The following MYRIP variants were observed in gnomAD, a reference collection of about 807,000 sequenced individuals.
The protein encoded by MYRIP is myosin VIIA and Rab interacting protein, also known as rab effector MyRIP.
MYRIP carries 49 observed loss-of-function variants against 98.0 expected under a neutral mutation model. The ratio of observed to expected loss-of-function variants is 0.50; its 90% CI spans 0.40 to 0.63. MYRIP has a LOEUF of 0.63. MYRIP is among the 30% of genes least tolerant of loss of function. The pLI, the probability that MYRIP is intolerant of heterozygous loss-of-function variation, is 0.00. For missense variants in MYRIP, 1,004 were observed against 1,058.2 expected, an observed-to-expected ratio of 0.95 and a Z score of 0.71; for synonymous variants, 404 against 409.5, an observed-to-expected ratio of 0.99 and a Z score of 0.16.
At chr3:40,136,311 A>T (rs1949767531) in intron 3 of MYRIP, among the ~76,000 whole-genome samples, 1 of 152,250 alleles carries the variant, frequency 6.6e-6, no homozygotes, top group Admixed American at 6.5e-5. Context: ...TGGTAAAGGG[A>T]TCAATTCAAC....
intron 1 of MYRIP, among the ~76,000 whole-genome samples, chr3:39,843,362 G>A (rs1030546706): frequency 4.6e-5 from 7 of 151,954 alleles, no homozygotes; most frequent in Non-Finnish European, 7.4e-5. Flanking sequence ...ACTATATTGA[G>A]GCTTCGAAAA....
chr3:40,095,623 GT>G (rs1329277091), intron 3 of MYRIP, among the ~76,000 whole-genome samples: 1 of 152,100 alleles, frequency 6.6e-6, no homozygotes, highest in African/African-American at 2.4e-5. Context: ...GGCAGGGGCT[GT>G]GTATACTACT....
intron 3 of MYRIP, among the ~76,000 whole-genome samples, chr3:40,111,753 T>TG (rs1283447864): frequency 1.3e-5 from 2 of 151,714 alleles, no homozygotes; most frequent in South Asian, 2.1e-4. Flanking sequence ...AAAGAACGTT[T>TG]GGGAAAAAAA....
intron 12 of MYRIP, among the ~76,000 whole-genome samples, chr3:40,240,910 C>G (rs141653562): frequency 2.0e-5 from 3 of 152,220 alleles, no homozygotes; most frequent in African/African-American, 4.8e-5. Flanking sequence ...GAGGGTGGAA[C>G]AGTAGCAATA....
intron 2 of MYRIP, among the ~76,000 whole-genome samples, chr3:39,916,408 CA>C (rs34541190): frequency 0.26 from 37,376 of 143,334 alleles, 4,786 homozygotes; most frequent in African/African-American, 0.35. Context: ...ATATTGAGAA[CA>C]AAAAAAAAAA....
intron 2 of MYRIP, among the ~76,000 whole-genome samples, chr3:39,961,297 A>G (rs1020399597): frequency 2.0e-5 from 3 of 152,074 alleles, no homozygotes; most frequent in Non-Finnish European, 4.4e-5. Flanking sequence ...GAGCAAAGAG[A>G]TCCACACGCA....
intron 2 of MYRIP, among the ~76,000 whole-genome samples, chr3:39,948,953 A>T (rs915554681): frequency 6.6e-6 from 1 of 152,198 alleles, no homozygotes; most frequent in Non-Finnish European, 1.5e-5. Flanking sequence ...CAGATACTTG[A>T]TTGTCAGCAA....
intron 2 of MYRIP, among the ~76,000 whole-genome samples, chr3:39,908,435 C>A (rs929331224): frequency 1.3e-5 from 2 of 152,124 alleles, no homozygotes. Context: ...TTCCACCCCC[C>A]CCATTGCTCA....
chr3:40,247,709 A>C (rs756086106), intron 13 of MYRIP, among the ~76,000 whole-genome samples: 52 of 152,254 alleles, frequency 3.4e-4, no homozygotes, highest in African/African-American at 1.2e-3. Context: ...TTTTTAGTAG[A>C]GAGAGGGTTT....
chr3:39,959,878 G>A (rs769480300), intron 2 of MYRIP, among the ~76,000 whole-genome samples: 3 of 152,080 alleles, frequency 2.0e-5, no homozygotes, highest in Admixed American at 6.6e-5. Flanking sequence ...CTCCTGTCTA[G>A]CACCATGGTG....
intron 15 of MYRIP, among the ~76,000 whole-genome samples, chr3:40,251,500 A>C (rs1252366200): frequency 6.6e-6 from 1 of 152,240 alleles, no homozygotes; most frequent in Non-Finnish European, 1.5e-5. Context: ...TTTGCACTCC[A>C]TGAGATGGAC....
intron 3 of MYRIP, among the ~76,000 whole-genome samples, chr3:40,133,743 G>GA (rs922413181): frequency 2.0e-5 from 3 of 152,076 alleles, no homozygotes; most frequent in Non-Finnish European, 4.4e-5. Context: ...AAAACAGGGG[G>GA]AAAAAATGTA....
chr3:39,867,688 C>T (rs541843837), intron 1 of MYRIP, among the ~76,000 whole-genome samples: 1 of 152,272 alleles, frequency 6.6e-6, no homozygotes, highest in Non-Finnish European at 1.5e-5. Flanking sequence ...AATCCATGTG[C>T]ACTGTTATTG....
At chr3:40,005,974 A>G (rs569590153) in intron 2 of MYRIP, among the ~76,000 whole-genome samples, 13 of 152,316 alleles carry the variant, frequency 8.5e-5, no homozygotes, top group African/African-American at 3.1e-4. Flanking sequence ...CCTTTCATGG[A>G]GAAATGGAGG....
rs752182513 is a variant in MYRIP, at chr3:39,900,935, C to G, written c.110+9C>G. 1.9e-6 allele frequency: 3 copies of G among 1,603,580 alleles called. No homozygotes were observed. The highest frequency in any genetic ancestry group is 2.7e-5 in the African/African-American group (2 of 74,854). On this transcript the variant is annotated intron_variant, in intron 2 of 16. Transcript: ENST00000302541. ...GAAGAAGAACGACTAAGGTGAGATG[C>G]CTGTTTTGCTCAGCAGCGTACAGCA...
intron 3 of MYRIP, among the ~76,000 whole-genome samples, chr3:40,142,841 A>G (rs1231025573): frequency 1.3e-5 from 2 of 152,244 alleles, no homozygotes; most frequent in Non-Finnish European, 2.9e-5. Flanking sequence ...GCTTTTCCCT[A>G]TAAATCTCAT....
In MYRIP at chr3:39,957,151, A is replaced by G. The variant is rs191586502; in HGVS notation, c.110+56225A>G. The stretch of plus-strand genomic sequence containing the variant: ...CTGAAACTATTCCAATCAATAGAAA[A>G]AGAGGGAATCCTCCCTAACTCATTT... On this transcript the variant is annotated intron_variant, in intron 2 of 16. Coordinates refer to ENST00000302541, the MANE Select transcript of MYRIP (RefSeq NM_015460.4). Among the ~76,000 whole-genome samples the G allele has an allele frequency of 1.6e-4, 24 of 151,970 alleles. No homozygotes were observed. In the East Asian group the frequency reaches 4.1e-3, roughly 26 times the overall value.
intron 1 of MYRIP, among the ~76,000 whole-genome samples, chr3:39,877,816 A>T (rs1186902220): frequency 6.6e-6 from 1 of 152,186 alleles, no homozygotes; most frequent in Non-Finnish European, 1.5e-5. Context: ...TTGAGGAGGC[A>T]GTCTGCCCAT....
intron 3 of MYRIP, among the ~76,000 whole-genome samples, chr3:40,147,694 G>GC (rs1950037974): frequency 6.6e-6 from 1 of 152,150 alleles, no homozygotes; most frequent in Non-Finnish European, 1.5e-5. Flanking sequence ...TTCTTGAGCT[G>GC]TTTTTGGTTT....
Sources: gnomAD v4.1 joint callset for allele counts (sites outside exome capture counted in the v4.1 genomes callset) on GRCh38, gnomAD v4.1.1 for gene constraint, MANE v1.5 for transcripts, NCBI Gene and HGNC (gene_info 2026-07-23, HGNC 2026-07-21) for gene names.